The following SNX29 variants were observed in gnomAD, a reference collection of about 807,000 sequenced individuals.
SNX29 encodes the protein sorting nexin-29.
Under a neutral mutation model 102.1 loss-of-function variants are expected in SNX29, and 78 were observed. The ratio of observed to expected loss-of-function variants is 0.76; its 90% CI spans 0.64 to 0.92. The LOEUF is 0.92. Ranked by LOEUF, SNX29 falls within the 40% of genes least tolerant of loss-of-function variation. The pLI is 0.00. For missense variants in SNX29, 1,280 were observed against 1,061.7 expected (o/e 1.21, Z -2.86); for synonymous variants, 580 against 414.5 (o/e 1.40, Z -4.85).
intron 14 of SNX29, among the ~76,000 whole-genome samples, chr16:12,201,741 C>A (rs892802149): frequency 2.0e-5 from 3 of 152,172 alleles, no homozygotes; most frequent in Non-Finnish European, 4.4e-5. Context: ...ACAGCACCAC[C>A]ACCTTTTGTG....
At chr16:12,416,357 G>A (rs148169585) in intron 18 of SNX29, among the ~76,000 whole-genome samples, 114 of 152,316 alleles carry the variant, frequency 7.5e-4, no homozygotes, top group Non-Finnish European at 3.2e-4. Flanking sequence ...GTGATCTGTT[G>A]CGCAGCAGGG....
At position 12,213,777 on chromosome 16, in the gene SNX29, ACCCTGAACAGGTAAG is replaced by A. The variant is rs143616684; in HGVS notation, c.1678+14098_1678+14112del. Reference sequence around the variant, plus strand: ...AGCCAGTTTCCCGACCTTTAAGTAAACCCTGAACAGGTAAGCCCCAGTACCCAGCTATGTGGCCAC... The same window carrying A: ...AGCCAGTTTCCCGACCTTTAAGTAAACCCCAGTACCCAGCTATGTGGCCAC... On this transcript the variant is annotated intron_variant, in intron 14 of 20. Transcript: ENST00000566228. Among the ~76,000 whole-genome samples, 458 of 152,302 alleles carry A rather than the reference ACCCTGAACAGGTAAG, an allele frequency of 3.0e-3. 2 individuals carry two copies. Among genetic ancestry groups the A allele is most frequent in the African/African-American group, 0.01 (433 of 41,568 alleles).
At chr16:12,057,090 A>G (rs2050552190) in intron 8 of SNX29, among the ~76,000 whole-genome samples, 2 of 152,200 alleles carry the variant, frequency 1.3e-5, no homozygotes, top group Admixed American at 1.3e-4. Context: ...CTGGGATTAC[A>G]GGCATGGGTC....
intron 13 of SNX29, among the ~76,000 whole-genome samples, chr16:12,172,932 T>C (rs571211581): frequency 2.6e-5 from 4 of 152,170 alleles, no homozygotes; most frequent in Non-Finnish European, 4.4e-5. Flanking sequence ...GTGAAAGCAG[T>C]GTTGAAGTCA....
chr16:12,534,736 C>G (rs2077024846), intron 20 of SNX29, among the ~76,000 whole-genome samples: 1 of 152,362 alleles, frequency 6.6e-6, no homozygotes, highest in Non-Finnish European at 1.5e-5. Flanking sequence ...GCCCCTTGCC[C>G]TACTAAACCC....
At chr16:12,564,618 T>C (rs2078914160) in intron 20 of SNX29, among the ~76,000 whole-genome samples, 1 of 151,490 alleles carries the variant, frequency 6.6e-6, no homozygotes, top group African/African-American at 2.5e-5. Flanking sequence ...ACAGACCTAG[T>C]CCCAGCATTA....
At chr16:12,540,951 CCTGTAGTTCAGGCTGG>C in intron 20 of SNX29, among the ~76,000 whole-genome samples, 1 of 152,130 alleles carries the variant, frequency 6.6e-6, no homozygotes, top group South Asian at 2.1e-4. Context: ...GGTCAGGCTG[CCTGTAGTTCAGGCTGG>C]AGGATGCTAC....
intron 20 of SNX29, among the ~76,000 whole-genome samples, chr16:12,564,237 A>G (rs186431725): frequency 3.3e-5 from 5 of 152,142 alleles, no homozygotes; most frequent in Admixed American, 6.5e-5. Context: ...AGAGAAAAAA[A>G]TCTCTACTCA....
At chr16:12,560,466 T>G (rs1291822784) in intron 20 of SNX29, among the ~76,000 whole-genome samples, 2 of 152,190 alleles carry the variant, frequency 1.3e-5, no homozygotes, top group South Asian at 2.1e-4. Context: ...GGTTCTTGCC[T>G]GGGAGTCACA....
chr16:12,032,188 C>T (rs1286659902), intron 4 of SNX29, among the ~76,000 whole-genome samples: 6 of 145,516 alleles, frequency 4.1e-5, no homozygotes, highest in Admixed American at 3.4e-4. Context: ...TCAGAATTTC[C>T]TTCTTCTTCT....
At chr16:12,421,854 TCCATCA>T (rs139283697) in intron 18 of SNX29, among the ~76,000 whole-genome samples, 1,669 of 151,026 alleles carry the variant, frequency 0.011, 38 homozygotes, top group African/African-American at 0.038. Context: ...TCACCAGCCA[TCCATCA>T]CCATCACCAG....
chr16:12,482,453 C>T (rs1233870220), intron 19 of SNX29, among the ~76,000 whole-genome samples: 1 of 152,122 alleles, frequency 6.6e-6, no homozygotes, highest in Non-Finnish European at 1.5e-5. Flanking sequence ...AGGCATGCAG[C>T]ACCATGCCTG....
At chr16:12,135,678 A>C (rs1033156828) in intron 13 of SNX29, 1 of 1,219,000 alleles carries the variant, frequency 8.2e-7, no homozygotes, top group Non-Finnish European at 1.1e-6. Context: ...TCTTTCCTGA[A>C]GCTGTGTTTC....
intron 3 of SNX29, among the ~76,000 whole-genome samples, chr16:12,012,797 G>A (rs1435467893): frequency 6.6e-6 from 1 of 152,048 alleles, no homozygotes; most frequent in Non-Finnish European, 1.5e-5. Context: ...TTGGCTTGAG[G>A]TGGAATTCCA....
intron 9 of SNX29, among the ~76,000 whole-genome samples, chr16:12,064,245 A>G (rs1336037975): frequency 6.6e-6 from 1 of 152,040 alleles, no homozygotes; most frequent in African/African-American, 2.4e-5. Context: ...GGGCCTCCTG[A>G]ACCATCAGAC....
intron 14 of SNX29, among the ~76,000 whole-genome samples, chr16:12,244,640 C>T (rs982718891): frequency 2.0e-5 from 3 of 152,056 alleles, no homozygotes; most frequent in Non-Finnish European, 4.4e-5. Flanking sequence ...ATCACCTATG[C>T]AGAATGGAGG....
At chr16:12,062,624 G>A (rs574613591) in intron 9 of SNX29, among the ~76,000 whole-genome samples, 16 of 152,188 alleles carry the variant, frequency 1.1e-4, no homozygotes, top group African/African-American at 3.1e-4. Context: ...TCAGAACACC[G>A]CTGGGTCAGA....
At chr16:12,161,235 T>C (rs1030504225) in intron 13 of SNX29, among the ~76,000 whole-genome samples, 1 of 152,232 alleles carries the variant, frequency 6.6e-6, no homozygotes, top group South Asian at 2.1e-4. Flanking sequence ...GAATACCAGA[T>C]GGGCTGCGTT....
chr16:12,107,963 G>T (rs2053334804), intron 11 of SNX29, among the ~76,000 whole-genome samples: 2 of 152,082 alleles, frequency 1.3e-5, no homozygotes, highest in African/African-American at 4.8e-5. Context: ...TAAGGCCAAA[G>T]ATTGATTGAC....
Sources: allele counts gnomAD v4.1 joint callset (sites outside exome capture counted in the v4.1 genomes callset), GRCh38; gene constraint gnomAD v4.1.1; transcripts MANE v1.5; gene names NCBI Gene and HGNC (gene_info 2026-07-23, HGNC 2026-07-21).